Variants in CLEC16A observed in about 807,000 individuals in gnomAD.
CLEC16A encodes C-type lectin domain containing 16A, also known as protein CLEC16A.
A neutral mutation model predicts 109.5 loss-of-function variants in CLEC16A; 51 were observed. That is an observed-to-expected ratio of 0.47 (90% CI 0.37 to 0.59). The LOEUF is 0.59. Among genes scored for constraint, CLEC16A ranks in the 20% least tolerant of loss-of-function variants. CLEC16A has a pLI of 0.00. For missense variants in CLEC16A, 1,339 were observed against 1,394.0 expected, an observed-to-expected ratio of 0.96 and a Z score of 0.63; for synonymous variants, 673 against 564.2, an observed-to-expected ratio of 1.19 and a Z score of -2.73.
intron 10 of CLEC16A, among the ~76,000 whole-genome samples, chr16:10,991,922 A>AT (rs2044041108): frequency 2.6e-5 from 4 of 152,164 alleles, no homozygotes; most frequent in Admixed American, 6.5e-5. Flanking sequence ...GGTGTGAGTC[A>AT]TTCGTTTCAT....
intron 18 of CLEC16A, among the ~76,000 whole-genome samples, chr16:11,053,168 G>C (rs1295097951): frequency 6.6e-6 from 1 of 152,108 alleles, no homozygotes; most frequent in Admixed American, 6.5e-5. Flanking sequence ...TGAAATTACA[G>C]ACATGTACCA....
intron 10 of CLEC16A, among the ~76,000 whole-genome samples, chr16:10,986,185 C>T (rs921848464): frequency 2.0e-5 from 3 of 151,802 alleles, no homozygotes; most frequent in Admixed American, 2.0e-4. Flanking sequence ...CGCCTGCCCC[C>T]ACACCCGGCT....
chr16:11,039,963 C>T, intron 14 of CLEC16A, 87 bp downstream of exon 14: 1 of 1,477,458 alleles, frequency 6.8e-7, no homozygotes, highest in Admixed American at 2.4e-5. Flanking sequence ...GGGTGCTAGG[C>T]CTGAGCCTTC....
intron 22 of CLEC16A, among the ~76,000 whole-genome samples, chr16:11,159,210 G>A (rs1257434183): frequency 6.6e-6 from 1 of 152,178 alleles, no homozygotes; most frequent in African/African-American, 2.4e-5. Context: ...GTCTCTACCA[G>A]GCCCTGCCAT....
intron 12 of CLEC16A, 69 bp from the exon 13 acceptor site, chr16:11,024,752 C>T (rs905326258): frequency 2.3e-5 from 28 of 1,208,878 alleles, no homozygotes; most frequent in Non-Finnish European, 3.2e-5. Context: ...ACCCCATGTG[C>T]AGGTTAGAGA....
chr16:10,960,288 G>A (rs561225085), intron 2 of CLEC16A, among the ~76,000 whole-genome samples: 3 of 152,090 alleles, frequency 2.0e-5, no homozygotes, highest in African/African-American at 4.8e-5. Context: ...TTTTGTTGTC[G>A]TATATCCCCA....
chr16:11,110,749 G>T (rs1182176546), intron 19 of CLEC16A, among the ~76,000 whole-genome samples: 1 of 152,158 alleles, frequency 6.6e-6, no homozygotes, highest in Admixed American at 6.5e-5. Flanking sequence ...CAGTCCTGCA[G>T]GTGGTTAAGT....
intron 7 of CLEC16A, among the ~76,000 whole-genome samples, chr16:10,973,497 A>G (rs1485846930): frequency 6.6e-6 from 1 of 152,228 alleles, no homozygotes; most frequent in African/African-American, 2.4e-5. Context: ...ATAGGGGCAG[A>G]AAGTAGATTC....
intron 19 of CLEC16A, among the ~76,000 whole-genome samples, chr16:11,061,826 G>T (rs1297069329): frequency 6.6e-6 from 1 of 152,152 alleles, no homozygotes; most frequent in Non-Finnish European, 1.5e-5. Context: ...GGCATGGCTG[G>T]ATCCGGGTGC....
At chr16:11,018,119 G>A (rs577994446) in intron 11 of CLEC16A, among the ~76,000 whole-genome samples, 6 of 150,850 alleles carry the variant, frequency 4.0e-5, no homozygotes, top group South Asian at 4.2e-4. Context: ...ACCAGCCTGG[G>A]CAACATAGTG....
At chr16:11,112,695 A>G (rs557576183) in intron 19 of CLEC16A, among the ~76,000 whole-genome samples, 10 of 152,124 alleles carry the variant, frequency 6.6e-5, no homozygotes, top group African/African-American at 1.4e-4. Flanking sequence ...ACACACATAC[A>G]TATGACATGC....
At chr16:11,143,466 C>T (rs1410334292) in intron 22 of CLEC16A, among the ~76,000 whole-genome samples, 9 of 152,168 alleles carry the variant, frequency 5.9e-5, no homozygotes, top group African/African-American at 2.2e-4. Context: ...AAGCCACAGC[C>T]GCTTGTAAAA....
rs905482618 is a variant in CLEC16A at position 10,999,437 on chromosome 16, C to G, written c.1072-3637C>G. On this transcript the variant is annotated intron_variant, in intron 10 of 23. Transcript: ENST00000409790. ...CACGTATAGCCTTTGAAAAGCTTTA[C>G]TTGAAAGGGACCCTACTGCCTACTC... Among the ~76,000 whole-genome samples the G allele has an allele frequency of 2.0e-5, 3 of 152,146 alleles. No homozygotes were observed. In the East Asian group the frequency reaches 5.8e-4, roughly 29 times the overall value.
chr16:11,155,399 C>T (rs761550139), intron 22 of CLEC16A, among the ~76,000 whole-genome samples: 2 of 152,192 alleles, frequency 1.3e-5, no homozygotes, highest in Non-Finnish European at 2.9e-5. Flanking sequence ...ATCCTGTAGC[C>T]AGAGTAAAAG....
At chr16:11,101,296 C>T (rs1343449220) in intron 19 of CLEC16A, among the ~76,000 whole-genome samples, 3 of 152,060 alleles carry the variant, frequency 2.0e-5, no homozygotes, top group Non-Finnish European at 4.4e-5. Context: ...AATAAGCCAC[C>T]CTTGTTGATG....
rs374722207 is a variant in CLEC16A at position 11,172,351 on chromosome 16, G to A, written c.2806+5799G>A. Among the ~76,000 whole-genome samples, 10 of 152,284 alleles carry A rather than the reference G, an allele frequency of 6.6e-5. No individual in the cohort carries two copies. In the South Asian group the frequency reaches 1.0e-3, roughly 16 times the overall value. ...ACATACACACACACACTCTGAGTGAGATGCCGATAGGAAAACCATCTCCTC... is the reference window on the plus strand; with the variant it reads ...ACATACACACACACACTCTGAGTGAAATGCCGATAGGAAAACCATCTCCTC... On this transcript the variant is annotated intron_variant, in intron 23 of 23. Coordinates refer to ENST00000409790, the MANE Select transcript of CLEC16A (RefSeq NM_015226.3).
At chr16:11,080,175 G>C (rs1046859439) in intron 19 of CLEC16A, among the ~76,000 whole-genome samples, 3 of 152,210 alleles carry the variant, frequency 2.0e-5, no homozygotes, top group African/African-American at 7.2e-5. Context: ...ATCATTTGCT[G>C]AATGGTAGGC....
intron 11 of CLEC16A, among the ~76,000 whole-genome samples, chr16:11,004,078 G>A (rs762601481): frequency 6.6e-6 from 1 of 151,954 alleles, no homozygotes; most frequent in Non-Finnish European, 1.5e-5. Context: ...TGTTTAGAAT[G>A]AGGTGCACTC....
intron 14 of CLEC16A, chr16:11,041,341 A>T (rs151023943): frequency 6.6e-6 from 1 of 152,342 alleles, no homozygotes; most frequent in Non-Finnish European, 1.5e-5. Context: ...CTTGGTCTTG[A>T]CAGAAACCCG....
Sources: gnomAD v4.1 joint callset for allele counts (sites outside exome capture counted in the v4.1 genomes callset) on GRCh38, gnomAD v4.1.1 for gene constraint, MANE v1.5 for transcripts, NCBI Gene and HGNC (gene_info 2026-07-23, HGNC 2026-07-21) for gene names.